UGT2A3: variants seen among roughly 807,000 people sequenced by gnomAD.
UGT2A3 encodes the protein UDP glucuronosyltransferase family 2 member A3, also known as UDP-glucuronosyltransferase 2A3.
UGT2A3 carries 55 observed loss-of-function variants against 44.1 expected under a neutral mutation model. That is an observed-to-expected ratio of 1.25 (90% confidence interval 1.00 to 1.56). The LOEUF (loss-of-function observed/expected upper bound fraction) is 1.56, where lower values mean the gene tolerates loss of function less well. Among genes scored for constraint, UGT2A3 ranks in the 40% most tolerant of loss-of-function variants. The pLI is 0.00. For synonymous variants in UGT2A3, 243 were observed against 215.1 expected, an observed-to-expected ratio of 1.13 and a Z score of -1.13; for missense variants, 733 against 621.6, an observed-to-expected ratio of 1.18 and a Z score of -1.91.
intron 2 of UGT2A3, among the ~76,000 whole-genome samples, chr4:68,936,344 A>G (rs1717951242): frequency 6.6e-6 from 1 of 152,186 alleles, no homozygotes; most frequent in African/African-American, 2.4e-5. Context: ...AGGAAAGCCC[A>G]TCAGACAAAC....
chr4:68,944,304 G>A (rs1718301746), intron 2 of UGT2A3, among the ~76,000 whole-genome samples: 2 of 151,726 alleles, frequency 1.3e-5, no homozygotes, highest in South Asian at 2.1e-4. Context: ...TGCACACTTA[G>A]GCATTAGGCT....
intron 2 of UGT2A3, among the ~76,000 whole-genome samples, chr4:68,937,540 T>C (rs1490935347): frequency 6.6e-6 from 1 of 152,122 alleles, no homozygotes; most frequent in Non-Finnish European, 1.5e-5. Flanking sequence ...AGTACTAGAA[T>C]CTCTGGGACA....
At chr4:68,938,636 C>G (rs547987371) in intron 2 of UGT2A3, among the ~76,000 whole-genome samples, 2 of 152,220 alleles carry the variant, frequency 1.3e-5, no homozygotes, top group African/African-American at 2.4e-5. Context: ...CCTTTGAAAA[C>G]TTGCACAAGA....
At chr4:68,947,097 C>T (rs1718409471) in intron 1 of UGT2A3, among the ~76,000 whole-genome samples, 1 of 151,664 alleles carries the variant, frequency 6.6e-6, no homozygotes, top group Non-Finnish European at 1.5e-5. Flanking sequence ...TGAATTGACT[C>T]ATCTTTTCAT....
chr4:68,935,590 C>T (rs1473048248), intron 2 of UGT2A3, among the ~76,000 whole-genome samples: 2 of 151,812 alleles, frequency 1.3e-5, no homozygotes, highest in Non-Finnish European at 2.9e-5. Context: ...TAGATAAAAC[C>T]ACAAAGATGG....
intron 1 of UGT2A3, among the ~76,000 whole-genome samples, chr4:68,946,453 A>T (rs541991802): frequency 1.3e-5 from 2 of 151,642 alleles, no homozygotes; most frequent in Admixed American, 1.3e-4. Context: ...GTTTGAAGTT[A>T]TCAGAAATTA....
In UGT2A3 at chr4:68,931,234, C is replaced by T. The variant is rs1717725099; in HGVS notation, c.1005G>A (p.Trp335Ter). ...ALAQIPQKVL[W>*]RYKGKKPSTL... ...TGGATGGTTTTTTTCCTTTGTACCT[C>T]CATAACACCTACGGAAGAAACACAT... Residue 335 changes from tryptophan (W) to a stop codon, truncating the protein, a stop_gained, in exon 4 of 6, where the codon TGG becomes TGA. Coordinates refer to ENST00000251566, the MANE Select transcript of UGT2A3 (RefSeq NM_024743.4). LOFTEE classifies it high-confidence loss of function. 2.5e-6 allele frequency: 4 copies of T among 1,612,204 alleles called. No homozygotes were observed. Among genetic ancestry groups the T allele is most frequent in the Admixed American group, 3.3e-5 (2 of 59,764 alleles).
intron 2 of UGT2A3, among the ~76,000 whole-genome samples, chr4:68,937,695 A>G (rs1483429745): frequency 6.6e-6 from 1 of 152,158 alleles, no homozygotes; most frequent in Non-Finnish European, 1.5e-5. Flanking sequence ...GGTAGAAGAC[A>G]AGAATTAACT....
In UGT2A3 at chr4:68,930,640, T is replaced by C. The variant is rs1717699050; in HGVS notation, c.1210A>G (p.Met404Val). The change falls in exon 5 of 6, where the codon ATG becomes GTG. Residue 404 changes from methionine (M) to valine (V), a missense_variant. Physicochemically the swap from Met to Val is conservative, Grantham distance 21. Transcript: ENST00000251566. ...FGDQLDNIAH[M>V]KAKGAAVEIN... The stretch of plus-strand genomic sequence containing the variant: ...TCTACAGCTGCTCCTTTGGCCTTCA[T>C]GTGAGCTATGTTATCAAGCTGATCA... The C allele has an allele frequency of 6.2e-7, 1 of 1,613,616 alleles. No homozygotes were observed. The highest frequency in any genetic ancestry group is 8.5e-7 in the Non-Finnish European group (1 of 1,179,688).
intron 2 of UGT2A3, among the ~76,000 whole-genome samples, chr4:68,943,696 T>A (rs1292862245): frequency 6.6e-6 from 1 of 151,734 alleles, no homozygotes; most frequent in Non-Finnish European, 1.5e-5. Flanking sequence ...TTTAAAATCT[T>A]CCACCTCCTT....
rs556919766 is a variant in UGT2A3, at chr4:68,938,378, C to T, written c.865-5619G>A. ...CCACCATGATCAAGTTGGCTTCATC[C>T]CCGGAGGCAAGTCTGGTTCAACATC... is the stretch of plus-strand genomic sequence containing the variant. On this transcript the variant is annotated intron_variant, in intron 2 of 5. Coordinates refer to ENST00000251566, the MANE Select transcript of UGT2A3 (RefSeq NM_024743.4). Among the ~76,000 whole-genome samples, 4 of 152,134 alleles carry T rather than the reference C, an allele frequency of 2.6e-5. 1 individual carries two copies. The South Asian group carries it at 6.2e-4, about 24-fold the overall frequency.
In UGT2A3 at chr4:68,936,398, G is replaced by T. The variant is rs577358119; in HGVS notation, c.865-3639C>A. 8.3e-4 allele frequency among the ~76,000 whole-genome samples: 127 copies of T among 152,202 alleles called. 1 individual carries two copies. The highest frequency in any genetic ancestry group is 6.8e-3 in the Middle Eastern group (2 of 294). ...CCCTACAAGCCAGAAGAGAGTGGGG[G>T]CCAATATTCAACATTCTTAAAGGAA... On this transcript the variant is annotated intron_variant, in intron 2 of 5. Transcript: ENST00000251566.
At chr4:68,935,600 G>A (rs996371364) in intron 2 of UGT2A3, among the ~76,000 whole-genome samples, 3 of 151,926 alleles carry the variant, frequency 2.0e-5, no homozygotes, top group East Asian at 1.9e-4. Context: ...CACAAAGATG[G>A]AGAGAAACCA....
chr4:68,947,100 C>A (rs1164428036), intron 1 of UGT2A3, among the ~76,000 whole-genome samples: 1 of 151,662 alleles, frequency 6.6e-6, no homozygotes, highest in Non-Finnish European at 1.5e-5. Flanking sequence ...ATTGACTCAT[C>A]TTTTCATGAA....
chr4:68,943,034 CAT>C (rs758775662), intron 2 of UGT2A3, among the ~76,000 whole-genome samples: 2 of 151,714 alleles, frequency 1.3e-5, no homozygotes, highest in Non-Finnish European at 2.9e-5. Context: ...GCAATTATTA[CAT>C]GTCAAATTTA....
Position 68,929,714 on chromosome 4 carries a change from C to T in UGT2A3, c.*99G>A. On this transcript the variant is annotated 3_prime_UTR_variant, in exon 6 of 6. Transcript: ENST00000251566. ...AGGCTATATAGCTAAGATAAAATAA[C>T]AGAATAGATAATATGAAAATAGCAA... The T allele has an allele frequency of 3.6e-6, 4 of 1,111,472 alleles. No individual in the cohort carries two copies. The highest frequency in any genetic ancestry group is 5.2e-6 in the Non-Finnish European group (4 of 774,164). The allele number at this position is 1,111,472 out of a possible 1,614,324, so 68.9% of individuals were successfully genotyped here. A position where few individuals can be genotyped will look rare whatever the true frequency, so the allele number is the denominator to read the frequency against.
chr4:68,931,754 A>G (rs1019643689), intron 3 of UGT2A3, among the ~76,000 whole-genome samples: 2 of 151,956 alleles, frequency 1.3e-5, no homozygotes, highest in African/African-American at 4.8e-5. Flanking sequence ...ATTGAAGAAG[A>G]ATGAGCTAGA....
rs781650735 is a variant in UGT2A3, at chr4:68,929,922, A to G, written c.1475T>C (p.Ile492Thr). The change falls in exon 6 of 6, where the codon ATT (isoleucine) becomes ACT (threonine). Residue 492 changes from isoleucine to threonine, a missense_variant. Physicochemically the swap from Ile to Thr is moderately conservative, Grantham distance 89 (BLOSUM62 -1). Coordinates refer to ENST00000251566, the MANE Select transcript of UGT2A3 (RefSeq NM_024743.4). ...TWFQHYSIDV[I>T]GFLLACVATA... ...TGCCACACAGGCCAGCAGGAACCCA[A>G]TCACATCTATAGAGTAGTGCTGGAA... The G allele has an allele frequency of 1.7e-5, 27 of 1,613,460 alleles. No homozygotes were observed. The highest frequency in any genetic ancestry group is 3.3e-5 in the Admixed American group (2 of 59,928).
chr4:68,938,639 G>A (rs144607806), intron 2 of UGT2A3, among the ~76,000 whole-genome samples: 4,200 of 152,172 alleles, frequency 0.028, 143 homozygotes, highest in African/African-American at 0.075. Flanking sequence ...TTGAAAACTT[G>A]CACAAGACAA....
Sources: gnomAD v4.1 joint callset for allele counts (sites outside exome capture counted in the v4.1 genomes callset) on GRCh38, gnomAD v4.1.1 for gene constraint, MANE v1.5 for transcripts, NCBI Gene and HGNC (gene_info 2026-07-23, HGNC 2026-07-21) for gene names.